Variants in ZNF550 observed in about 807,000 individuals in gnomAD.
ZNF550 encodes zinc finger protein 550.
Under a neutral mutation model 40.2 loss-of-function variants are expected in ZNF550, and 42 were observed. The observed-to-expected ratio is 1.05, with a 90% CI of 0.82 to 1.35. ZNF550 has a LOEUF of 1.35. ZNF550 is among the 40% of genes most tolerant of loss of function. ZNF550 has a pLI of 0.00. For synonymous variants in ZNF550, 223 were observed against 198.6 expected, an observed-to-expected ratio of 1.12 and a Z score of -1.03; for missense variants, 549 against 525.2, an observed-to-expected ratio of 1.05 and a Z score of -0.44.
At chr19:57,556,277 C>T (rs1371371749) in exon 2 of ZNF550, 3 of 1,614,160 alleles carry the variant, frequency 1.9e-6, no homozygotes, top group Non-Finnish European at 2.5e-6. Flanking sequence ...CCTCTCGGTA[C>T]AGGGTCCTCT....
chr19:57,542,028 C>T lies in ZNF550; in HGVS notation c.*1734G>A, dbSNP rs2089964060. 2.6e-5 allele frequency: 4 copies of T among 151,502 alleles called. No homozygotes were observed. In the South Asian group the frequency reaches 8.3e-4, roughly 31 times the overall value. The allele number at this position is 151,502 out of a possible 1,614,324, so 9.4% of individuals were successfully genotyped here. A position where few individuals can be genotyped will look rare whatever the true frequency, so the allele number is the denominator to read the frequency against. On this transcript the variant is annotated 3_prime_UTR_variant, in exon 5 of 5. Transcript: ENST00000457177. ...AGTACCCCACCATAAACAAAATACA[C>T]AATAAAAAGTCAAGATACAAATAAA...
chr19:57,544,362 G>A (rs1298793247), intron 4 of ZNF550: 1 of 985,304 alleles, frequency 1.0e-6, no homozygotes, highest in Admixed American at 6.1e-5. Flanking sequence ...CTCCTGCTTT[G>A]GGACAAACTG....
exon 4 of ZNF550, chr19:57,546,993 G>T: frequency 6.2e-7 from 1 of 1,612,004 alleles, no homozygotes; most frequent in Non-Finnish European, 8.5e-7. Context: ...GGACCCTTTG[G>T]TGCTGCAGAA....
At chr19:57,559,619 G>C in intron 1 of ZNF550, 37 bp downstream of exon 1, 1 of 1,466,824 alleles carries the variant, frequency 6.8e-7, no homozygotes, top group Non-Finnish European at 9.1e-7. Context: ...GGACACTGAG[G>C]CCGGGTGGCC....
In ZNF550 at chr19:57,554,580, G is replaced by A. The variant is rs1006198654; in HGVS notation, c.154+1651C>T. 1.3e-5 allele frequency: 2 copies of A among 152,374 alleles called. No homozygotes were observed. The highest frequency in any genetic ancestry group is 4.8e-5 in the African/African-American group (2 of 41,584). 9.4% of individuals were successfully genotyped at this position (152,374 alleles called of 1,614,324 possible). A position where few individuals can be genotyped will look rare whatever the true frequency, so the allele number is the denominator to read the frequency against. ...CCAAATGCTTTCCACTAGATGTGGT[G>A]AGTAAAAGACAGGAGGATTCTGTAT... On this transcript the variant is annotated intron_variant, in intron 2 of 4. Transcript: ENST00000457177. This position sits in a 1 kb window ranked among gnomAD's most constrained non-coding sequence, Gnocchi z 4.5.
Position 57,548,012 on chromosome 19 carries a change from CAAAG to C in ZNF550, c.251-23_251-20del. Reference sequence around the variant, plus strand: ...CTGTCACCTGAAGGGCATCAACAAACAAAGGAGGGGTCTTTTAGTGATAAAATAT... The same window carrying C: ...CTGTCACCTGAAGGGCATCAACAAACGAGGGGTCTTTTAGTGATAAAATAT... On this transcript the variant is annotated intron_variant, in intron 3 of 4. Coordinates refer to ENST00000457177, the Ensembl canonical transcript of ZNF550. 1 of 1,598,250 alleles carries C rather than the reference CAAAG, an allele frequency of 6.3e-7. No homozygotes were observed. Among genetic ancestry groups the C allele is most frequent in the Non-Finnish European group, 8.5e-7 (1 of 1,170,584 alleles).
At chr19:57,546,881 G>C in exon 4 of ZNF550, 1 of 1,462,186 alleles carries the variant, frequency 6.8e-7, no homozygotes, top group Non-Finnish European at 9.1e-7. Flanking sequence ...CTTTGCATTC[G>C]AAGGACTTCT....
chr19:57,543,971 TC>T, intron 4 of ZNF550: 32 of 985,322 alleles, frequency 3.2e-5, no homozygotes, highest in Non-Finnish European at 3.9e-5. Flanking sequence ...TTTACCTCAA[TC>T]ATAAACTGTG....
At chr19:57,544,548 C>T in intron 4 of ZNF550, 1 of 985,370 alleles carries the variant, frequency 1.0e-6, no homozygotes, top group Non-Finnish European at 1.2e-6. Context: ...AGAGTCAACT[C>T]TCCTTCCCAC....
At chr19:57,548,079 A>T in intron 3 of ZNF550, 86 bp from the exon 4 acceptor site, 1 of 1,229,852 alleles carries the variant, frequency 8.1e-7, no homozygotes, top group Non-Finnish European at 1.1e-6. Flanking sequence ...AGGAAAATGA[A>T]GATGAAAATA....
At chr19:57,559,804 T>C (rs1261462054) in exon 1 of ZNF550, 7 of 907,512 alleles carry the variant, frequency 7.7e-6, no homozygotes, top group Non-Finnish European at 8.9e-6. Context: ...AGCACAGTTC[T>C]GAGAGCGCGG....
chr19:57,559,786 T>A lies in ZNF550; in HGVS notation c.-104A>T. The A allele has an allele frequency of 9.1e-7, 1 of 1,102,870 alleles. No homozygotes were observed. Among genetic ancestry groups the A allele is most frequent in the South Asian group, 2.0e-5 (1 of 50,864 alleles). The allele number at this position is 1,102,870 out of a possible 1,614,324, so 68.3% of individuals were successfully genotyped here. A position where few individuals can be genotyped will look rare whatever the true frequency, so the allele number is the denominator to read the frequency against. On this transcript the variant is annotated 5_prime_UTR_variant, in exon 1 of 5. An upstream start codon of the reference 5' UTR is lost. Coordinates refer to ENST00000457177, the Ensembl canonical transcript of ZNF550. Reference sequence around the variant, plus strand: ...GAGGTGAGCCCCAGTCGCCCTACCATCCTTCCCAGCACAGTTCTGAGAGCG... The same window carrying A: ...GAGGTGAGCCCCAGTCGCCCTACCAACCTTCCCAGCACAGTTCTGAGAGCG...
At chr19:57,544,714 T>A in intron 4 of ZNF550, 2 of 570,948 alleles carry the variant, frequency 3.5e-6, no homozygotes, top group Non-Finnish European at 4.4e-6. Context: ...TAAAAGGTTG[T>A]GAGGAAAGCT....
chr19:57,549,169 C>G (rs1281690237), intron 3 of ZNF550, among the ~76,000 whole-genome samples: 1 of 152,138 alleles, frequency 6.6e-6, no homozygotes, highest in South Asian at 2.1e-4. Flanking sequence ...AAGGGTATAA[C>G]GGGATTGTTT....
exon 4 of ZNF550, chr19:57,547,872 C>T (rs150130858): frequency 1.9e-6 from 3 of 1,613,990 alleles, no homozygotes; most frequent in East Asian, 2.2e-5. Flanking sequence ...CCCTAGCTCT[C>T]CCCAACCTCG....
intron 2 of ZNF550, chr19:57,553,447 C>CA (rs1362849305): frequency 6.6e-6 from 1 of 152,206 alleles, no homozygotes; most frequent in African/African-American, 2.4e-5. Context: ...TTTTTTGAAA[C>CA]AGAGTCTCAC....
At chr19:57,552,636 T>C in exon 3 of ZNF550, 1 of 1,596,842 alleles carries the variant, frequency 6.3e-7, no homozygotes, top group Non-Finnish European at 8.5e-7. Flanking sequence ...CCTGCACAGG[T>C]AGCATGTGAG....
chr19:57,550,872 A>G (rs2090066536), intron 3 of ZNF550, among the ~76,000 whole-genome samples: 1 of 152,226 alleles, frequency 6.6e-6, no homozygotes, highest in African/African-American at 2.4e-5. Flanking sequence ...AACTCCAAGA[A>G]GCTTGGCTTT....
At chr19:57,555,854 T>C in intron 2 of ZNF550, 1 of 274,428 alleles carries the variant, frequency 3.6e-6, no homozygotes, top group South Asian at 3.7e-5. Flanking sequence ...CTTAGGAAGA[T>C]ATCCGAGGGG....
Sources: allele counts gnomAD v4.1 joint callset (sites outside exome capture counted in the v4.1 genomes callset), GRCh38; gene constraint gnomAD v4.1.1; non-coding constraint Gnocchi (gnomAD v3.1); transcripts MANE v1.5; gene names NCBI Gene and HGNC (gene_info 2026-07-23, HGNC 2026-07-21).